SHISA7: variants seen among roughly 807,000 people sequenced by gnomAD.
The protein encoded by SHISA7 is shisa family member 7, also known as protein shisa-7.
A neutral mutation model predicts 23.9 loss-of-function variants in SHISA7; 6 were observed. That is an observed-to-expected ratio of 0.25 (90% confidence interval 0.14 to 0.50). SHISA7 has a LOEUF of 0.50. SHISA7 is among the 20% of genes least tolerant of loss of function. SHISA7 has a pLI of 0.98. For synonymous variants in SHISA7, 386 were observed against 398.3 expected (o/e 0.97, Z 0.37); for missense variants, 671 against 801.1 (o/e 0.84, Z 1.96).
chr19:55,435,386 GGTGT>G (rs756443902), intron 3 of SHISA7, among the ~76,000 whole-genome samples: 45 of 118,756 alleles, frequency 3.8e-4, no homozygotes, highest in Non-Finnish European at 3.2e-4. Flanking sequence ...GTGTATATGT[GGTGT>G]GTGTGTGTGG....
At position 55,433,878 on chromosome 19, in the gene SHISA7, C is replaced by T; in HGVS notation, c.977-82G>A. ...CCCCCTCCCACCTCGTCACATCCCG[C>T]TCCTATGCTCCTTGTGCCCCCACAA... On this transcript the variant is annotated intron_variant, in intron 3 of 3. Transcript: ENST00000376325. This position sits in a 1 kb window ranked among gnomAD's most constrained non-coding sequence, Gnocchi z 8.4. 2 of 1,312,608 alleles carry T rather than the reference C, an allele frequency of 1.5e-6. No homozygotes were observed. The highest frequency in any genetic ancestry group is 1.9e-6 in the Non-Finnish European group (2 of 1,028,196). 81.3% of individuals were successfully genotyped at this position (1,312,608 alleles called of 1,614,324 possible). A position where few individuals can be genotyped will look rare whatever the true frequency, so the allele number is the denominator to read the frequency against.
Position 55,433,597 on chromosome 19 carries a change from A to G in SHISA7, c.1176T>C (p.Asp392=). 1 of 1,497,998 alleles carries G rather than the reference A, an allele frequency of 6.7e-7. No homozygotes were observed. Among genetic ancestry groups the G allele is most frequent in the Non-Finnish European group, 8.8e-7 (1 of 1,129,996 alleles). The allele number at this position is 1,497,998 out of a possible 1,614,324, so 92.8% of individuals were successfully genotyped here. Residue 392 remains aspartate, a synonymous_variant, in exon 4 of 4, where the codon GAT becomes GAC. Transcript: ENST00000376325. This position sits in a 1 kb window ranked among gnomAD's most constrained non-coding sequence, Gnocchi z 8.4. ...TGAACTCGTAGCGCGAACGGCCACC[A>G]TCGCCCAGCAGGTGCTCCTGGGACA... ...RVMSQEHLLG[D]GGRSRYEFTL... is the part of the protein sequence containing the mutation.
Position 55,432,753 on chromosome 19 carries a change from CTG to C in SHISA7, c.*401_*402del, listed in dbSNP as rs112959251. 6.0e-6 allele frequency: 1 copy of C among 166,242 alleles called. No homozygotes were observed. The highest frequency in any genetic ancestry group is 2.4e-5 in the African/African-American group (1 of 42,078). 10.3% of individuals were successfully genotyped at this position (166,242 alleles called of 1,614,324 possible). A position where few individuals can be genotyped will look rare whatever the true frequency, so the allele number is the denominator to read the frequency against. On this transcript the variant is annotated 3_prime_UTR_variant, in exon 4 of 4. Transcript: ENST00000376325. The surrounding 1 kb of genome is among the most constrained non-coding windows in gnomAD (Gnocchi z 4.6). Reference sequence around the variant, plus strand: ...AATGTCATGGAACAAGGCGTCGTCTCTGTTATTATACCACAAGAAGGAAGCCT... The same window carrying C: ...AATGTCATGGAACAAGGCGTCGTCTCTTATTATACCACAAGAAGGAAGCCT...
intron 3 of SHISA7, among the ~76,000 whole-genome samples, chr19:55,435,087 G>GTA: frequency 1.3e-5 from 1 of 79,436 alleles, no homozygotes; most frequent in African/African-American, 4.5e-5. Context: ...TGTGGTGTGT[G>GTA]TGGTGTGTGT....
rs1484002995 is a variant in SHISA7 at position 55,440,724 on chromosome 19, G to C, written c.713C>G (p.Thr238Ser). The C allele has an allele frequency of 8.0e-7, 1 of 1,247,756 alleles. No homozygotes were observed. The highest frequency in any genetic ancestry group is 1.0e-6 in the Non-Finnish European group (1 of 988,330). The allele number at this position is 1,247,756 out of a possible 1,614,324, so 77.3% of individuals were successfully genotyped here. A position where few individuals can be genotyped will look rare whatever the true frequency, so the allele number is the denominator to read the frequency against. The change falls in exon 2 of 4, where the codon ACC (threonine) becomes AGC (serine). Residue 238 changes from threonine to serine, a missense_variant. By Grantham distance (58) the Thr-to-Ser change is moderately conservative. Around this residue, in one of 5 missense-constraint regions of SHISA7, gnomAD observed 457 missense variants for 488.3 expected, o/e 0.94. Coordinates refer to ENST00000376325, the MANE Select transcript of SHISA7 (RefSeq NM_001145176.2). The stretch of plus-strand genomic sequence containing the variant: ...GCTGCTTCGGGCCCGGTCCGGGCGG[G>C]TCCCAGGCCCCGCCTGATGTCTCAG... ...DILRHQAGPG[T>S]RPDRARSSSL... is the part of the protein sequence containing the mutation.
At position 55,433,582 on chromosome 19, in the gene SHISA7, G is replaced by T; in HGVS notation, c.1191C>A (p.Arg397=). Residue 397 remains arginine (R), a synonymous_variant, in exon 4 of 4, where the codon CGC becomes CGA. Transcript: ENST00000376325. The surrounding 1 kb of genome is among the most constrained non-coding windows in gnomAD (Gnocchi z 8.4). ...GCGCGCGCGGCAGCGTGAACTCGTA[G>T]CGCGAACGGCCACCATCGCCCAGCA... ...EHLLGDGGRS[R]YEFTLPRARL... 6.7e-7 allele frequency: 1 copy of T among 1,498,866 alleles called. No individual in the cohort carries two copies. Among genetic ancestry groups the T allele is most frequent in the Non-Finnish European group, 8.8e-7 (1 of 1,130,204 alleles). The allele number at this position is 1,498,866 out of a possible 1,614,324, so 92.8% of individuals were successfully genotyped here.
chr19:55,436,505 A>C (rs911190340), intron 3 of SHISA7, among the ~76,000 whole-genome samples: 85 of 151,820 alleles, frequency 5.6e-4, no homozygotes, highest in African/African-American at 2.0e-3. Flanking sequence ...CAGGGGGCTA[A>C]GGCAGGAGAA....
chr19:55,440,657 G>T lies in SHISA7; in HGVS notation c.780C>A (p.Pro260=). 4.0e-6 allele frequency: 5 copies of T among 1,249,644 alleles called. No homozygotes were observed. Among genetic ancestry groups the T allele is most frequent in the Non-Finnish European group, 5.1e-6 (5 of 988,234 alleles). The allele number at this position is 1,249,644 out of a possible 1,614,324, so 77.4% of individuals were successfully genotyped here. A position where few individuals can be genotyped will look rare whatever the true frequency, so the allele number is the denominator to read the frequency against. The change falls in exon 2 of 4, where the codon CCC becomes CCA. Residue 260 remains proline (P), a synonymous_variant. Transcript: ENST00000376325. ...TGTTGTAGAGGTTCTTGGGCGTCCTGGGGGGCATGCTGTCGGGACCGCCGA... is the reference window on the plus strand; with the variant it reads ...TGTTGTAGAGGTTCTTGGGCGTCCTTGGGGGCATGCTGTCGGGACCGCCGA... The part of the protein sequence containing the change: ...PGIGGPDSMP[P]RTPKNLYNTV...
Position 55,433,656 on chromosome 19 carries a change from C to T in SHISA7, c.1117G>A (p.Gly373Ser). Residue 373 changes from glycine (G) to serine (S), a missense_variant, in exon 4 of 4, where the codon GGC (glycine) becomes AGC (serine). Around this residue, in one of 5 missense-constraint regions of SHISA7, gnomAD observed 457 missense variants for 488.3 expected, o/e 0.94. Coordinates refer to ENST00000376325, the MANE Select transcript of SHISA7 (RefSeq NM_001145176.2). This position sits in a 1 kb window ranked among gnomAD's most constrained non-coding sequence, Gnocchi z 8.4. Reference sequence around the variant, plus strand: ...CGGGGGTTGGGCGCGGGCGCCAGGCCCAGCTCCTCTGGGCCGCCCCAGGCC... The same window carrying T: ...CGGGGGTTGGGCGCGGGCGCCAGGCTCAGCTCCTCTGGGCCGCCCCAGGCC... ...MEAWGGPEELGLAPAPNPRRV... is the reference protein window; with the variant it reads ...MEAWGGPEELSLAPAPNPRRV... 6.7e-7 allele frequency: 1 copy of T among 1,489,928 alleles called. No individual in the cohort carries two copies. Among genetic ancestry groups the T allele is most frequent in the South Asian group, 1.3e-5 (1 of 79,388 alleles). The allele number at this position is 1,489,928 out of a possible 1,614,324, so 92.3% of individuals were successfully genotyped here. A position where few individuals can be genotyped will look rare whatever the true frequency, so the allele number is the denominator to read the frequency against.
intron 2 of SHISA7, among the ~76,000 whole-genome samples, chr19:55,439,399 C>T (rs1985542508): frequency 1.3e-5 from 2 of 152,196 alleles, no homozygotes; most frequent in South Asian, 4.1e-4. Context: ...ATCCCAGCCT[C>T]CTCCTGGGCC....
Position 55,442,618 on chromosome 19 carries a change from G to A in SHISA7, c.246C>T (p.Cys82=), listed in dbSNP as rs1288723313. 6 of 1,400,936 alleles carry A rather than the reference G, an allele frequency of 4.3e-6. No individual in the cohort carries two copies. The highest frequency in any genetic ancestry group is 2.6e-5 in the Admixed American group (1 of 38,652). The allele number at this position is 1,400,936 out of a possible 1,614,324, so 86.8% of individuals were successfully genotyped here. The change falls in exon 1 of 4, where the codon TGC becomes TGT. Residue 82 remains cysteine (C), a synonymous_variant. Coordinates refer to ENST00000376325, the MANE Select transcript of SHISA7 (RefSeq NM_001145176.2). ...GGCCCATGACATCGTAGTAGCCGTG[G>A]CAGAGCTCGGCGGGAGGGGGCGCCC... ...AARAPPPAEL[C]HGYYDVMGQY...
chr19:55,440,273 A>G (rs1333055243), intron 2 of SHISA7, among the ~76,000 whole-genome samples: 1 of 152,006 alleles, frequency 6.6e-6, no homozygotes, highest in Non-Finnish European at 1.5e-5. Flanking sequence ...GCTCCTGACA[A>G]ATTCGAATTT....
At chr19:55,434,789 GTGGT>G (rs1985359226) in intron 3 of SHISA7, among the ~76,000 whole-genome samples, 1 of 130,986 alleles carries the variant, frequency 7.6e-6, no homozygotes, top group Non-Finnish European at 1.6e-5. Context: ...TATGGTGTGT[GTGGT>G]GTGTGTGTGC....
chr19:55,442,106 C>T (rs1193507126), intron 1 of SHISA7, 87 bp downstream of exon 1: 14 of 1,330,720 alleles, frequency 1.1e-5, no homozygotes, highest in Non-Finnish European at 1.3e-5. Flanking sequence ...CGCCCTATCC[C>T]TGCAGCCCCT....
chr19:55,435,351 ATGGTGTGTGTG>A (rs1199687174), intron 3 of SHISA7, among the ~76,000 whole-genome samples: 64 of 81,820 alleles, frequency 7.8e-4, no homozygotes, highest in South Asian at 6.6e-3. Context: ...TATGGTGTGT[ATGGTGTGTGTG>A]TGGTGTGTGT....
chr19:55,433,675 C>A lies in SHISA7; in HGVS notation c.1098G>T (p.Trp366Cys). The A allele has an allele frequency of 6.7e-7, 1 of 1,485,316 alleles. No individual in the cohort carries two copies. The highest frequency in any genetic ancestry group is 8.9e-7 in the Non-Finnish European group (1 of 1,125,292). 92.0% of individuals were successfully genotyped at this position (1,485,316 alleles called of 1,614,324 possible). The change falls in exon 4 of 4, where the codon TGG becomes TGT. Residue 366 changes from tryptophan (W) to cysteine (C), a missense_variant. This residue lies in a region of SHISA7 where 457 missense variants were observed against 488.3 expected (regional missense o/e 0.94). Transcript: ENST00000376325. The surrounding 1 kb of genome is among the most constrained non-coding windows in gnomAD (Gnocchi z 8.4). ...GTGGGYRMEA[W>C]GGPEELGLAP... ...CCAGGCCCAGCTCCTCTGGGCCGCC[C>A]CAGGCCTCCATGCGATAGCCGCCCC... is the stretch of plus-strand genomic sequence containing the variant.
chr19:55,437,802 A>G, intron 2 of SHISA7, 48 bp from the exon 3 acceptor site: 1 of 1,521,714 alleles, frequency 6.6e-7, no homozygotes, highest in Non-Finnish European at 8.8e-7. Flanking sequence ...CCTCCCTCAG[A>G]CCCAGGAGTC....
intron 1 of SHISA7, among the ~76,000 whole-genome samples, chr19:55,441,301 T>A (rs1056390155): frequency 6.6e-6 from 1 of 152,086 alleles, no homozygotes; most frequent in Non-Finnish European, 1.5e-5. Context: ...CCTAGCCCCG[T>A]ACACTCCAGT....
At chr19:55,435,212 T>G (rs1236493223) in intron 3 of SHISA7, among the ~76,000 whole-genome samples, 2 of 130,656 alleles carry the variant, frequency 1.5e-5, no homozygotes, top group Non-Finnish European at 3.2e-5. Flanking sequence ...GTGGTGTGTG[T>G]ATGGTGTGTG....
Sources: gnomAD v4.1 joint callset for allele counts (sites outside exome capture counted in the v4.1 genomes callset) on GRCh38, gnomAD v4.1.1 for gene constraint, gnomAD v4.1.1 regional missense constraint, Gnocchi (gnomAD v3.1) non-coding constraint, MANE v1.5 for transcripts, NCBI Gene and HGNC (gene_info 2026-07-23, HGNC 2026-07-21) for gene names.